The following UGT3A2 variants were observed in gnomAD, a reference collection of about 807,000 sequenced individuals.
UGT3A2 encodes UDP glycosyltransferase family 3 member A2, also known as UDP-glycosyltransferase 3A2.
In UGT3A2, 32 loss-of-function variants were observed where a neutral mutation model predicts 39.8. The observed-to-expected ratio is 0.80, with a 90% CI of 0.61 to 1.08. The LOEUF is 1.08. Among genes scored for constraint, UGT3A2 ranks in the 50% least tolerant of loss-of-function variants. The pLI is 0.00. For missense variants in UGT3A2, 611 were observed against 637.1 expected, an observed-to-expected ratio of 0.96 and a Z score of 0.44; for synonymous variants, 241 against 230.7, an observed-to-expected ratio of 1.04 and a Z score of -0.40.
At chr5:36,046,074 A>G (rs1014439158) in intron 4 of UGT3A2, among the ~76,000 whole-genome samples, 4 of 152,230 alleles carry the variant, frequency 2.6e-5, no homozygotes, top group African/African-American at 7.2e-5. Flanking sequence ...ACAATGAGAT[A>G]TTATCTCACC....
intron 6 of UGT3A2, among the ~76,000 whole-genome samples, chr5:36,037,190 C>T (rs928569427): frequency 3.3e-5 from 5 of 152,068 alleles, no homozygotes; most frequent in African/African-American, 1.2e-4. Context: ...CATTTGAGCC[C>T]AGGAGTTTGA....
chr5:36,049,372 C>A lies in UGT3A2; in HGVS notation c.360G>T (p.Gln120His), dbSNP rs778291377. ...CCTTTCTATTTAAAAAATGACTGCA[C>A]TGCAACGCCAAGTATTCTAGAACAT... ...LLNVLEYLAL[Q>H]CSHFLNRKDI... The change falls in exon 4 of 7, where the codon CAG becomes CAT. Residue 120 changes from glutamine (Q) to histidine (H), a missense_variant. By Grantham distance (24) the Gln-to-His change is conservative. Transcript: ENST00000282507. 6 of 1,600,858 alleles carry A rather than the reference C, an allele frequency of 3.7e-6. No homozygotes were observed. In the African/African-American group the frequency reaches 8.1e-5, roughly 22 times the overall value.
chr5:36,038,119 T>C (rs1357050449), intron 5 of UGT3A2, 103 bp from the exon 6 acceptor site: 1 of 1,185,624 alleles, frequency 8.4e-7, no homozygotes, highest in African/African-American at 1.5e-5. Flanking sequence ...TCTAGTGGTG[T>C]GTTGGAGACA....
chr5:36,053,938 G>A (rs1294502976), intron 2 of UGT3A2, among the ~76,000 whole-genome samples: 1 of 152,022 alleles, frequency 6.6e-6, no homozygotes, highest in African/African-American at 2.4e-5. Context: ...TTTATAACAG[G>A]GGTGTCCAAT....
At chr5:36,058,581 GTAA>G (rs1742585589) in intron 2 of UGT3A2, among the ~76,000 whole-genome samples, 3 of 152,062 alleles carry the variant, frequency 2.0e-5, no homozygotes, top group Admixed American at 2.0e-4. Flanking sequence ...AAGCCTGTTA[GTAA>G]TAATATGAAC....
chr5:36,058,789 CTTCA>C (rs1200840456), intron 2 of UGT3A2, among the ~76,000 whole-genome samples: 1 of 152,154 alleles, frequency 6.6e-6, no homozygotes, highest in Non-Finnish European at 1.5e-5. Flanking sequence ...GTTTGTCCTC[CTTCA>C]TTCAGTCTCG....
chr5:36,049,559 C>T, intron 3 of UGT3A2, 139 bp from the exon 4 acceptor site: 1 of 648,976 alleles, frequency 1.5e-6, no homozygotes, highest in Non-Finnish European at 2.5e-6. Context: ...ACCAGTTTCC[C>T]ACAAATACCC....
chr5:36,039,818 TC>T (rs1339843690), intron 4 of UGT3A2, 110 bp from the exon 5 acceptor site: 136 of 812,588 alleles, frequency 1.7e-4, no homozygotes, highest in South Asian at 2.7e-4. Context: ...GTCCTCACTG[TC>T]CCAAAGCTAT....
intron 1 of UGT3A2, among the ~76,000 whole-genome samples, chr5:36,066,347 G>A (rs1283606774): frequency 1.3e-5 from 2 of 152,178 alleles, no homozygotes; most frequent in Non-Finnish European, 1.5e-5. Context: ...CGGAGCTTAA[G>A]GTGAGCCTCT....
intron 3 of UGT3A2, 48 bp downstream of exon 3, chr5:36,051,822 A>G (rs1347639288): frequency 5.1e-6 from 7 of 1,364,968 alleles, no homozygotes; most frequent in Non-Finnish European, 7.1e-6. Context: ...ATCCATTTGT[A>G]TTATGAAAAT....
At chr5:36,064,523 C>CAGA (rs537430846) in intron 1 of UGT3A2, among the ~76,000 whole-genome samples, 173 bp from the exon 2 acceptor site, 23 of 152,280 alleles carry the variant, frequency 1.5e-4, no homozygotes, top group Non-Finnish European at 2.9e-4. Flanking sequence ...CCCACTCACC[C>CAGA]AGAGCATGGC....
chr5:36,039,924 C>T (rs150401705), intron 4 of UGT3A2, among the ~76,000 whole-genome samples: 1 of 152,308 alleles, frequency 6.6e-6, no homozygotes, highest in East Asian at 1.9e-4. Flanking sequence ...CCTGACCCTA[C>T]TATCAGGCCT....
chr5:36,035,644 C>T lies in UGT3A2; in HGVS notation c.*54G>A, dbSNP rs1343160658. On this transcript the variant is annotated 3_prime_UTR_variant, in exon 7 of 7. Transcript: ENST00000282507. ...GCTGCCAGAACTAGTGGGAAGCTCC[C>T]TAGAAATGGTGACATCGCCCACCAA... The T allele has an allele frequency of 8.2e-6, 13 of 1,586,084 alleles. No homozygotes were observed. The highest frequency in any genetic ancestry group is 9.5e-6 in the Non-Finnish European group (11 of 1,163,382).
chr5:36,064,847 A>G (rs1742830026), intron 1 of UGT3A2, among the ~76,000 whole-genome samples: 2 of 152,218 alleles, frequency 1.3e-5, no homozygotes, highest in African/African-American at 2.4e-5. Context: ...GATTGGTCCA[A>G]GAAATCATCA....
rs755718384 is a variant in UGT3A2, at chr5:36,039,643, C to A, written c.909G>T (p.Met303Ile). Residue 303 changes from methionine to isoleucine, a missense_variant, in exon 5 of 7, where the codon ATG becomes ATT. By Grantham distance (10) the Met-to-Ile change is conservative. Transcript: ENST00000282507. ...TTTCCGGATTCTGACAGGTGTTCACCATGGAGCCCAAGGTCACAAGGACAA... is the reference window on the plus strand; with the variant it reads ...TTTCCGGATTCTGACAGGTGTTCACAATGGAGCCCAAGGTCACAAGGACAA... ...SGFVLVTLGS[M>I]VNTCQNPEIF... 1 of 1,614,160 alleles carries A rather than the reference C, an allele frequency of 6.2e-7. No homozygotes were observed. Among genetic ancestry groups the A allele is most frequent in the South Asian group, 1.1e-5 (1 of 91,080 alleles).
intron 4 of UGT3A2, among the ~76,000 whole-genome samples, chr5:36,045,019 T>C (rs1469098973): frequency 6.6e-6 from 1 of 152,112 alleles, no homozygotes. Context: ...AGACCCAGAA[T>C]AGCCAAAGCC....
In UGT3A2 at chr5:36,048,986, A is replaced by G. The variant is rs756305357; in HGVS notation, c.746T>C (p.Ile249Thr). ...HLLLKAELWF[I>T]NSDFAFDFAR... is the part of the protein sequence containing the mutation. Reference sequence around the variant, plus strand: ...AAAATCAAAGGCAAAGTCAGAGTTAATGAACCACAACTCTGCTTTCAGTAG... The same window carrying G: ...AAAATCAAAGGCAAAGTCAGAGTTAGTGAACCACAACTCTGCTTTCAGTAG... The change falls in exon 4 of 7, where the codon ATT becomes ACT. Residue 249 changes from isoleucine to threonine, a missense_variant. Transcript: ENST00000282507. 4 of 1,614,112 alleles carry G rather than the reference A, an allele frequency of 2.5e-6. No individual in the cohort carries two copies. The East Asian group carries it at 8.9e-5, about 36-fold the overall frequency.
intron 4 of UGT3A2, among the ~76,000 whole-genome samples, chr5:36,048,529 T>G (rs1387750175): frequency 6.6e-6 from 1 of 152,228 alleles, no homozygotes; most frequent in African/African-American, 2.4e-5. Context: ...CCTTAACAAT[T>G]ACTGCATGTA....
chr5:36,048,914 T>A lies in UGT3A2; in HGVS notation c.818A>T (p.Glu273Val). The A allele has an allele frequency of 6.2e-7, 1 of 1,614,042 alleles. No individual in the cohort carries two copies. The highest frequency in any genetic ancestry group is 8.5e-7 in the Non-Finnish European group (1 of 1,179,964). The change falls in exon 4 of 7, where the codon GAA becomes GTA. Residue 273 changes from glutamate to valine, a missense_variant. Transcript: ENST00000282507. ...PNTVYVGGLMEKPIKPVPQDL... is the reference protein window; with the variant it reads ...PNTVYVGGLMVKPIKPVPQDL... ...TTGTGGTACTGGTTTAATAGGTTTT[T>A]CCATCAAGCCTCCAACATAAACAGT...
Sources: allele counts gnomAD v4.1 joint callset (sites outside exome capture counted in the v4.1 genomes callset), GRCh38; gene constraint gnomAD v4.1.1; transcripts MANE v1.5; gene names NCBI Gene and HGNC (gene_info 2026-07-23, HGNC 2026-07-21).